VAC14: variants seen among roughly 807,000 people sequenced by gnomAD.
The protein encoded by VAC14 is VAC14 component of PIKFYVE complex.
Under a neutral mutation model 85.3 loss-of-function variants are expected in VAC14, and 47 were observed. The ratio of observed to expected loss-of-function variants is 0.55; its 90% confidence interval spans 0.44 to 0.70. VAC14 has a LOEUF of 0.70. Ranked by LOEUF, VAC14 falls within the 30% of genes least tolerant of loss-of-function variation. VAC14 has a pLI of 0.00. For synonymous variants in VAC14, 447 were observed against 430.5 expected (o/e 1.04, Z -0.47); for missense variants, 861 against 1,004.3 (o/e 0.86, Z 1.93).
At position 70,786,211 on chromosome 16, in the gene VAC14, C is replaced by T. The variant is rs778655208; in HGVS notation, c.255+4G>A. On this transcript the variant is annotated splice_donor_region_variant and intron_variant, in intron 2 of 18. Transcript: ENST00000261776. ...TATGTCTGTCCCTTGGGTGAAAGGC[C>T]CACCTTGCCCAGTGCGATGGAGCAG... The T allele has an allele frequency of 5.9e-5, 96 of 1,613,456 alleles. No homozygotes were observed. In the Admixed American group the frequency reaches 9.5e-4, roughly 16 times the overall value.
At chr16:70,739,164 G>A (rs1450897890) in intron 13 of VAC14, among the ~76,000 whole-genome samples, 1 of 152,234 alleles carries the variant, frequency 6.6e-6, no homozygotes, top group Non-Finnish European at 1.5e-5. Context: ...GGTTTATAGA[G>A]AGGGAAGAAG....
In VAC14 at chr16:70,688,011, C is replaced by T. The variant is rs761555947; in HGVS notation, c.2266G>A (p.Glu756Lys). ...TCCAGGTGCTTGTTCTGGACCTTCT[C>T]AAAGTGCTGCAGCAGCTCTGCGTAG... is the stretch of plus-strand genomic sequence containing the variant. Reference protein sequence around the residue: ...IDYAELLQHFEKVQNKHLEVR... With the variant: ...IDYAELLQHFKKVQNKHLEVR... Residue 756 changes from glutamate (E) to lysine (K), a missense_variant, in exon 19 of 19, where the codon GAG becomes AAG. This residue lies in a region of VAC14 where 163 missense variants were observed against 162.2 expected (regional missense o/e 1.00). Transcript: ENST00000261776. The T allele has an allele frequency of 1.2e-6, 2 of 1,606,968 alleles. No homozygotes were observed. The highest frequency in any genetic ancestry group is 1.3e-5 in the African/African-American group (1 of 74,656).
At chr16:70,689,314 C>T in intron 18 of VAC14, 1 of 985,484 alleles carries the variant, frequency 1.0e-6, no homozygotes, top group South Asian at 4.7e-5. Flanking sequence ...TACAGTTCTG[C>T]CCCTCCAACG....
chr16:70,744,055 G>T (rs1029062595), intron 13 of VAC14, among the ~76,000 whole-genome samples: 19 of 152,076 alleles, frequency 1.2e-4, no homozygotes, highest in Non-Finnish European at 2.1e-4. Context: ...TGGCCACCTA[G>T]TCTTCCACCT....
intron 14 of VAC14, among the ~76,000 whole-genome samples, chr16:70,717,682 G>C (rs941051200): frequency 6.6e-6 from 1 of 152,070 alleles, no homozygotes; most frequent in Non-Finnish European, 1.5e-5. Flanking sequence ...TTGAGACAGG[G>C]TCTCACTCTG....
intron 12 of VAC14, among the ~76,000 whole-genome samples, chr16:70,745,446 G>C (rs1210626000): frequency 6.6e-6 from 1 of 152,216 alleles, no homozygotes; most frequent in African/African-American, 2.4e-5. Flanking sequence ...GCAATAGGGA[G>C]AGGGGCCACG....
chr16:70,795,894 G>C (rs1373799369), intron 1 of VAC14, among the ~76,000 whole-genome samples: 1 of 152,234 alleles, frequency 6.6e-6, no homozygotes. Flanking sequence ...CCAGCAGTGA[G>C]ACAGTGGGGG....
intron 14 of VAC14, among the ~76,000 whole-genome samples, chr16:70,705,390 C>T (rs953361564): frequency 2.2e-4 from 33 of 152,234 alleles, no homozygotes; most frequent in African/African-American, 6.5e-4. Context: ...CCTTGGTGGA[C>T]GCAGCCTGCC....
intron 14 of VAC14, among the ~76,000 whole-genome samples, chr16:70,705,655 G>A (rs1288955747): frequency 2.6e-5 from 4 of 152,138 alleles, no homozygotes; most frequent in Non-Finnish European, 5.9e-5. Context: ...GGCTGGGGGC[G>A]CCTGCTCCCG....
chr16:70,725,049 C>T (rs964853525), intron 14 of VAC14, among the ~76,000 whole-genome samples: 1 of 152,242 alleles, frequency 6.6e-6, no homozygotes, highest in Non-Finnish European at 1.5e-5. Flanking sequence ...AGTGGGGCCG[C>T]CTAGAAGCTC....
intron 14 of VAC14, among the ~76,000 whole-genome samples, chr16:70,706,124 GC>G (rs968786040): frequency 4.6e-5 from 7 of 152,216 alleles, no homozygotes; most frequent in African/African-American, 1.7e-4. Context: ...TGGGGACCCT[GC>G]CTGCAAGCCC....
chr16:70,741,796 T>C (rs73577137), intron 13 of VAC14, among the ~76,000 whole-genome samples: 2,849 of 152,130 alleles, frequency 0.019, 91 homozygotes, highest in African/African-American at 0.064. Context: ...GGGGCAAGAG[T>C]CTCTACTGCC....
At chr16:70,751,422 G>A (rs923783330) in intron 12 of VAC14, among the ~76,000 whole-genome samples, 3 of 152,254 alleles carry the variant, frequency 2.0e-5, no homozygotes, top group African/African-American at 7.2e-5. Flanking sequence ...GGAGCGGTCA[G>A]GTCGCAGGGC....
chr16:70,800,166 G>A (rs968352228), intron 1 of VAC14, among the ~76,000 whole-genome samples: 2 of 152,068 alleles, frequency 1.3e-5, no homozygotes, highest in East Asian at 1.9e-4. Context: ...TTAAACTTTC[G>A]CTGTTTTGTA....
At chr16:70,746,425 G>A (rs1378238826) in intron 12 of VAC14, among the ~76,000 whole-genome samples, 8 of 152,202 alleles carry the variant, frequency 5.3e-5, no homozygotes, top group Non-Finnish European at 1.0e-4. Flanking sequence ...CAGCGGCTGC[G>A]TTGGGTTCTG....
intron 12 of VAC14, among the ~76,000 whole-genome samples, chr16:70,760,098 C>A (rs1005810872): frequency 5.3e-5 from 8 of 152,170 alleles, no homozygotes; most frequent in African/African-American, 1.9e-4. Flanking sequence ...ACCTGTGCCG[C>A]GGGGCTGCCT....
In VAC14 at chr16:70,737,356, T is replaced by C. The variant is rs533523375; in HGVS notation, c.1529-5729A>G. Among the ~76,000 whole-genome samples, 12 of 152,104 alleles carry C rather than the reference T, an allele frequency of 7.9e-5. No homozygotes were observed. The East Asian group carries it at 1.7e-3, about 22-fold the overall frequency. On this transcript the variant is annotated intron_variant, in intron 13 of 18. Coordinates refer to ENST00000261776, the MANE Select transcript of VAC14 (RefSeq NM_018052.5). ...CCACTGAGGCACAGCCCCCTGTAGATGGTGGGCAGCTGCTGCAGCAGGGGG... is the reference window on the plus strand; with the variant it reads ...CCACTGAGGCACAGCCCCCTGTAGACGGTGGGCAGCTGCTGCAGCAGGGGG...
At chr16:70,788,053 C>G (rs2034150857) in intron 1 of VAC14, among the ~76,000 whole-genome samples, 1 of 152,226 alleles carries the variant, frequency 6.6e-6, no homozygotes, top group South Asian at 2.1e-4. Flanking sequence ...CAAATCATGG[C>G]AGGTATCTTG....
At chr16:70,783,302 G>T in intron 6 of VAC14, 143 bp downstream of exon 6, 1 of 1,032,358 alleles carries the variant, frequency 9.7e-7, no homozygotes, top group Non-Finnish European at 1.4e-6. Context: ...TGGGCTCTTG[G>T]CTCCTCAAAG....
Sources: allele counts gnomAD v4.1 joint callset (sites outside exome capture counted in the v4.1 genomes callset), GRCh38; gene constraint gnomAD v4.1.1; regional missense constraint gnomAD v4.1.1; transcripts MANE v1.5; gene names NCBI Gene and HGNC (gene_info 2026-07-23, HGNC 2026-07-21).